Variants in CNTN4 observed in about 807,000 individuals in gnomAD.
CNTN4 encodes the protein contactin-4.
CNTN4 carries 77 observed loss-of-function variants against 122.5 expected under a neutral mutation model. The observed-to-expected ratio is 0.63, with a 90% CI of 0.52 to 0.76. The LOEUF (loss-of-function observed/expected upper bound fraction) is 0.76. CNTN4 is among the 30% of genes least tolerant of loss of function. The pLI is 0.00. For synonymous variants in CNTN4, 512 were observed against 447.0 expected, an observed-to-expected ratio of 1.15 and a Z score of -1.83; for missense variants, 1,256 against 1,259.1, an observed-to-expected ratio of 1.00 and a Z score of 0.04.
At chr3:2,306,905 C>A (rs2320386) in intron 2 of CNTN4, among the ~76,000 whole-genome samples, 45,948 of 151,372 alleles carry the variant, frequency 0.3, 8,184 homozygotes, top group African/African-American at 0.5. Flanking sequence ...TTTTTTATTT[C>A]ATGTTTGAAT....
chr3:3,035,053 A>G (rs1219921124), intron 17 of CNTN4, among the ~76,000 whole-genome samples: 2 of 152,152 alleles, frequency 1.3e-5, no homozygotes, highest in Non-Finnish European at 2.9e-5. Flanking sequence ...CACGCCTGCA[A>G]TCCCAGCACT....
intron 3 of CNTN4, among the ~76,000 whole-genome samples, chr3:2,397,647 T>C (rs1040808756): frequency 2.0e-5 from 3 of 152,094 alleles, no homozygotes; most frequent in Admixed American, 2.0e-4. Flanking sequence ...ACACCTAAGC[T>C]GTAATGTAGC....
chr3:2,314,479 A>G (rs1339098609), intron 2 of CNTN4, among the ~76,000 whole-genome samples: 2 of 151,954 alleles, frequency 1.3e-5, no homozygotes, highest in Non-Finnish European at 2.9e-5. Flanking sequence ...AAGCTGTATA[A>G]ATGTGGATTA....
At chr3:2,195,347 A>G (rs2037785558) in intron 2 of CNTN4, among the ~76,000 whole-genome samples, 2 of 152,178 alleles carry the variant, frequency 1.3e-5, no homozygotes, top group Non-Finnish European at 2.9e-5. Flanking sequence ...GCTTGATTAC[A>G]TATTGTAGCC....
chr3:2,802,722 C>G (rs2092377953), intron 6 of CNTN4, among the ~76,000 whole-genome samples: 1 of 152,112 alleles, frequency 6.6e-6, no homozygotes, highest in Admixed American at 6.5e-5. Flanking sequence ...CTTGGGGCAA[C>G]TTTGCAGAGA....
intron 13 of CNTN4, among the ~76,000 whole-genome samples, chr3:2,956,971 C>T (rs960081424): frequency 1.3e-5 from 2 of 152,150 alleles, no homozygotes; most frequent in Admixed American, 1.3e-4. Flanking sequence ...GGCAGGATTT[C>T]TTTCTTTTTA....
chr3:2,633,232 A>G (rs941876496), intron 4 of CNTN4, among the ~76,000 whole-genome samples: 2 of 152,176 alleles, frequency 1.3e-5, no homozygotes, highest in African/African-American at 4.8e-5. Context: ...CACTGTTCAC[A>G]TAAAACACAA....
At chr3:2,943,304 T>TTTTCCC (rs1428640641) in intron 13 of CNTN4, among the ~76,000 whole-genome samples, 1 of 152,102 alleles carries the variant, frequency 6.6e-6, no homozygotes, top group Non-Finnish European at 1.5e-5. Flanking sequence ...TAAAACTGAA[T>TTTTCCC]AGCTAAATCG....
chr3:2,422,397 C>T (rs966833282), intron 3 of CNTN4, among the ~76,000 whole-genome samples: 6 of 152,210 alleles, frequency 3.9e-5, no homozygotes, highest in Non-Finnish European at 5.9e-5. Flanking sequence ...TTCCTTCCAA[C>T]TCCAAACAGA....
intron 2 of CNTN4, among the ~76,000 whole-genome samples, chr3:2,262,806 T>C (rs1302754704): frequency 6.6e-6 from 1 of 152,114 alleles, no homozygotes; most frequent in Non-Finnish European, 1.5e-5. Context: ...TACAACTATA[T>C]TTTTCTCTTT....
chr3:2,742,533 C>G (rs2089514665), intron 5 of CNTN4, among the ~76,000 whole-genome samples: 1 of 152,290 alleles, frequency 6.6e-6, no homozygotes, highest in Non-Finnish European at 1.5e-5. Context: ...TTGACACCAT[C>G]AACAAAGAAA....
chr3:2,904,147 G>C (rs1227667603), intron 12 of CNTN4, among the ~76,000 whole-genome samples: 1 of 152,134 alleles, frequency 6.6e-6, no homozygotes, highest in Non-Finnish European at 1.5e-5. Flanking sequence ...AAATGATTTG[G>C]GAACTGCCTC....
chr3:3,054,908 G>A (rs1701645300), intron 24 of CNTN4, among the ~76,000 whole-genome samples: 1 of 152,166 alleles, frequency 6.6e-6, no homozygotes, highest in Non-Finnish European at 1.5e-5. Flanking sequence ...ACTTTCACAG[G>A]CTTTCAGATT....
chr3:2,752,364 T>G (rs1416545471), intron 6 of CNTN4, among the ~76,000 whole-genome samples: 1 of 152,118 alleles, frequency 6.6e-6, no homozygotes, highest in Admixed American at 6.5e-5. Flanking sequence ...TTTTTGTTGT[T>G]TTTTGTTTGT....
intron 2 of CNTN4, among the ~76,000 whole-genome samples, chr3:2,130,558 G>C (rs895853151): frequency 6.6e-6 from 1 of 152,128 alleles, no homozygotes; most frequent in African/African-American, 2.4e-5. Flanking sequence ...AGCTTATCAA[G>C]TTTTATGTAA....
At position 3,040,115 on chromosome 3, in the gene CNTN4, A is replaced by G. The variant is rs1211155403; in HGVS notation, c.2242A>G (p.Met748Val). ...AFRPYGKMIW[M>V]LTVLASADAS... The stretch of plus-strand genomic sequence containing the variant: ...CCGGCCCTACGGTAAAATGATCTGG[A>G]TGCTGACAGTGCTGGCCTCAGCTGA... The change falls in exon 20 of 25, where the codon ATG becomes GTG. Residue 748 changes from methionine to valine, a missense_variant. Transcript: ENST00000418658. 1.2e-6 allele frequency: 2 copies of G among 1,614,196 alleles called. No individual in the cohort carries two copies. The highest frequency in any genetic ancestry group is 3.3e-5 in the Admixed American group (2 of 60,030).
intron 4 of CNTN4, among the ~76,000 whole-genome samples, chr3:2,695,517 A>G (rs1308827983): frequency 6.6e-6 from 1 of 152,198 alleles, no homozygotes; most frequent in Non-Finnish European, 1.5e-5. Flanking sequence ...AACATTTTAT[A>G]TCAGTTCCAA....
intron 6 of CNTN4, among the ~76,000 whole-genome samples, chr3:2,764,098 A>G (rs2090727453): frequency 2.0e-5 from 3 of 152,166 alleles, no homozygotes; most frequent in Admixed American, 2.0e-4. Flanking sequence ...GCATTCATCC[A>G]TTCAGATATT....
intron 3 of CNTN4, among the ~76,000 whole-genome samples, chr3:2,522,907 C>G (rs764505451): frequency 6.6e-6 from 1 of 152,018 alleles, no homozygotes; most frequent in Non-Finnish European, 1.5e-5. Context: ...ATAAAAAGTA[C>G]TAGATTGATA....
Sources: allele counts gnomAD v4.1 joint callset (sites outside exome capture counted in the v4.1 genomes callset), GRCh38; gene constraint gnomAD v4.1.1; transcripts MANE v1.5; gene names NCBI Gene and HGNC (gene_info 2026-07-23, HGNC 2026-07-21).